The following RGS12 variants were observed in gnomAD, a reference collection of about 807,000 sequenced individuals.
RGS12 encodes regulator of G protein signaling 12.
Under a neutral mutation model 120.1 loss-of-function variants are expected in RGS12, and 66 were observed. The observed-to-expected ratio is 0.55, with a 90% confidence interval of 0.45 to 0.67. RGS12 has a LOEUF of 0.67. RGS12 is among the 30% of genes least tolerant of loss of function. RGS12 has a pLI of 0.00. For synonymous variants in RGS12, 827 were observed against 804.7 expected (o/e 1.03, Z -0.47); for missense variants, 1,859 against 1,957.7 (o/e 0.95, Z 0.95).
intron 9 of RGS12, chr4:3,419,089 G>A (rs1472986936): frequency 6.6e-6 from 1 of 151,616 alleles, no homozygotes; most frequent in African/African-American, 2.4e-5. Context: ...CCATCACTTT[G>A]GGAGGCTGAG....
chr4:3,338,947 G>C (rs180959976), intron 2 of RGS12, among the ~76,000 whole-genome samples: 1 of 152,172 alleles, frequency 6.6e-6, no homozygotes, highest in African/African-American at 2.4e-5. Context: ...TGAGAAACAC[G>C]AGTAAACGCT....
At position 3,343,769 on chromosome 4, in the gene RGS12, G is replaced by A. The variant is rs200954133; in HGVS notation, c.1998+716G>A. On this transcript the variant is annotated intron_variant, in intron 3 of 17. Coordinates refer to ENST00000336727, the MANE Select transcript of RGS12 (RefSeq NM_001394154.1). ...CCACCTGTTTACCCTGCACCCTCCC[G>A]TTGAACTCTGACAACCACTGATCCT... Among the ~76,000 whole-genome samples, 12 of 151,762 alleles carry A rather than the reference G, an allele frequency of 7.9e-5. No homozygotes were observed. The East Asian group carries it at 2.1e-3, about 27-fold the overall frequency.
chr4:3,293,410 C>T (rs1052760566), intron 1 of RGS12, among the ~76,000 whole-genome samples: 24 of 148,048 alleles, frequency 1.6e-4, no homozygotes, highest in Non-Finnish European at 2.8e-4. Flanking sequence ...GCTGTGAGGC[C>T]CGCCCGGGCC....
chr4:3,337,393 G>A (rs528343242), intron 2 of RGS12, among the ~76,000 whole-genome samples: 107 of 152,288 alleles, frequency 7.0e-4, no homozygotes, highest in African/African-American at 2.3e-3. Context: ...TGAAATCAAG[G>A]TCTTGAGGAG....
intron 3 of RGS12, among the ~76,000 whole-genome samples, chr4:3,353,854 A>G (rs775521158): frequency 7.2e-5 from 11 of 152,110 alleles, no homozygotes; most frequent in Non-Finnish European, 1.3e-4. Context: ...GGGTCCACAG[A>G]TAGTGTCCAT....
intron 17 of RGS12, chr4:3,432,319 C>T: frequency 5.0e-6 from 2 of 401,876 alleles, no homozygotes; most frequent in Non-Finnish European, 6.7e-6. Context: ...TAAAAATATA[C>T]CATCCACTGA....
chr4:3,315,375 T>C (rs1724671303), intron 1 of RGS12, among the ~76,000 whole-genome samples: 1 of 152,226 alleles, frequency 6.6e-6, no homozygotes, highest in Non-Finnish European at 1.5e-5. Flanking sequence ...CCTGGAAGAA[T>C]TGAGTTAATA....
intron 5 of RGS12, 75 bp downstream of exon 5, chr4:3,414,316 G>A (rs948746926): frequency 6.2e-6 from 9 of 1,441,304 alleles, no homozygotes; most frequent in Middle Eastern, 2.0e-4. Flanking sequence ...TCTGTGGGCC[G>A]CCCTAGAGAC....
Position 3,439,722 on chromosome 4 carries a change from G to T in RGS12, c.*38G>T, listed in dbSNP as rs549656812. ...TGGCCAACTCTCCTGTGGACATGTC[G>T]GGGTGGGGCAGCCCAGGTGGATTCT... On this transcript the variant is annotated 3_prime_UTR_variant, in exon 18 of 18. Coordinates refer to ENST00000336727, the MANE Select transcript of RGS12 (RefSeq NM_001394154.1). 2.1e-6 allele frequency: 3 copies of T among 1,451,934 alleles called. No individual in the cohort carries two copies. The highest frequency in any genetic ancestry group is 2.9e-5 in the African/African-American group (2 of 69,802). 89.9% of individuals were successfully genotyped at this position (1,451,934 alleles called of 1,614,324 possible). A position where few individuals can be genotyped will look rare whatever the true frequency, so the allele number is the denominator to read the frequency against.
chr4:3,414,216 AC>A lies in RGS12; in HGVS notation c.2169del (p.Val724SerfsTer10). On this transcript the variant is annotated frameshift_variant, in exon 5 of 18. Coordinates refer to ENST00000336727, the MANE Select transcript of RGS12 (RefSeq NM_001394154.1). LOFTEE classifies it high-confidence loss of function. ...GTGTCCTTTGAGCGCCTGCTGCAGGACCCCGTCGGTGTCCGCTACTTCTCTG... is the reference window on the plus strand; with the variant it reads ...GTGTCCTTTGAGCGCCTGCTGCAGGACCCGTCGGTGTCCGCTACTTCTCTG... ...WAVSFERLLQ[D>X]PVGVRYFSDF... The A allele has an allele frequency of 6.5e-7, 1 of 1,546,006 alleles. No homozygotes were observed.
intron 3 of RGS12, among the ~76,000 whole-genome samples, chr4:3,362,513 AGTGT>A (rs1320407416): frequency 2.3e-5 from 2 of 87,348 alleles, no homozygotes; most frequent in Admixed American, 1.1e-4. Context: ...TGCGAGGATC[AGTGT>A]GTGTGAGGGT....
intron 4 of RGS12, among the ~76,000 whole-genome samples, chr4:3,387,553 G>A (rs149661776): frequency 2.6e-5 from 4 of 152,208 alleles, no homozygotes; most frequent in African/African-American, 9.7e-5. Flanking sequence ...GAGGGATCCC[G>A]ACACTCGTGT....
At chr4:3,309,254 T>C (rs13118591) in intron 1 of RGS12, among the ~76,000 whole-genome samples, 26 of 81,264 alleles carry the variant, frequency 3.2e-4, no homozygotes, top group African/African-American at 1.2e-3. Flanking sequence ...GGCAGGTGTC[T>C]GCTGAGGGGA....
chr4:3,370,158 C>G, intron 3 of RGS12: 2 of 1,556,398 alleles, frequency 1.3e-6, no homozygotes, highest in Non-Finnish European at 1.7e-6. Context: ...ACGAAGGGAG[C>G]GAGAGGGAAC....
chr4:3,317,470 A>G lies in RGS12; in HGVS notation c.1300A>G (p.Lys434Glu). The G allele has an allele frequency of 1.2e-6, 2 of 1,613,960 alleles. No individual in the cohort carries two copies. Among genetic ancestry groups the G allele is most frequent in the East Asian group, 2.2e-5 (1 of 44,880 alleles). The part of the protein sequence containing the change: ...SGIGNFHQEE[K>E]SNRVLVVDLG... ...CATTGGGAACTTCCACCAGGAGGAGAAGAGCAACCGGGTCCTTGTGGTGGA... is the reference window on the plus strand; with the variant it reads ...CATTGGGAACTTCCACCAGGAGGAGGAGAGCAACCGGGTCCTTGTGGTGGA... Residue 434 changes from lysine (K) to glutamate (E), a missense_variant, in exon 2 of 18, where the codon AAG becomes GAG. Lys to Glu is a moderately conservative substitution (Grantham distance 56, BLOSUM62 1). Around this residue, in one of 3 missense-constraint regions of RGS12, gnomAD observed 967 missense variants for 994.2 expected, o/e 0.97. Coordinates refer to ENST00000336727, the MANE Select transcript of RGS12 (RefSeq NM_001394154.1).
chr4:3,291,369 T>C (rs1265649187), upstream of RGS12, among the ~76,000 whole-genome samples: 2 of 127,830 alleles, frequency 1.6e-5, no homozygotes, highest in Admixed American at 8.1e-5. Flanking sequence ...TTTTTTGAGA[T>C]GGAGTTTCAC....
In RGS12 at chr4:3,317,523, C is replaced by T. The variant is rs1233680966; in HGVS notation, c.1353C>T (p.Gly451=). Residue 451 remains glycine (G), a synonymous_variant, in exon 2 of 18, where the codon GGC becomes GGT. Transcript: ENST00000336727. ...VDLGGSSSRH[G]PGGSAWDGVG... ...TGGGTGGGAGCTCGAGCAGACACGG[C>T]CCCGGAGGCAGCGCGTGGGACGGTG... 3.1e-6 allele frequency: 5 copies of T among 1,611,864 alleles called. No homozygotes were observed. Among genetic ancestry groups the T allele is most frequent in the African/African-American group, 1.3e-5 (1 of 75,058 alleles).
intron 3 of RGS12, among the ~76,000 whole-genome samples, chr4:3,359,744 C>T (rs1715382490): frequency 6.6e-6 from 1 of 150,974 alleles, no homozygotes; most frequent in African/African-American, 2.4e-5. Flanking sequence ...CACCTCAGCC[C>T]CCTGAGTAGC....
intron 4 of RGS12, among the ~76,000 whole-genome samples, chr4:3,400,279 T>G (rs1197405409): frequency 6.6e-6 from 1 of 152,226 alleles, no homozygotes; most frequent in African/African-American, 2.4e-5. Context: ...CAGTAGCATT[T>G]TTTAATGCAT....
Sources: allele counts gnomAD v4.1 joint callset (sites outside exome capture counted in the v4.1 genomes callset), GRCh38; gene constraint gnomAD v4.1.1; regional missense constraint gnomAD v4.1.1; transcripts MANE v1.5; gene names NCBI Gene and HGNC (gene_info 2026-07-23, HGNC 2026-07-21).